The following SUCLG2 variants were observed in gnomAD, a reference collection of about 807,000 sequenced individuals.
SUCLG2 encodes the protein succinate-CoA ligase GDP-forming subunit beta, also known as succinate--CoA ligase [GDP-forming] subunit beta, mitochondrial.
In SUCLG2, 42 loss-of-function variants were observed where a neutral mutation model predicts 47.9. The ratio of observed to expected loss-of-function variants is 0.88; its 90% CI spans 0.69 to 1.14. The LOEUF (loss-of-function observed/expected upper bound fraction) is 1.14. SUCLG2 is among the 50% of genes most tolerant of loss of function. SUCLG2 has a pLI of 0.00. For missense variants in SUCLG2, 571 were observed against 525.9 expected, an observed-to-expected ratio of 1.09 and a Z score of -0.84; for synonymous variants, 195 against 197.3, an observed-to-expected ratio of 0.99 and a Z score of 0.10.
intron 6 of SUCLG2, chr3:67,514,035 G>A (rs957894873): frequency 2.0e-5 from 7 of 352,362 alleles, no homozygotes; most frequent in East Asian, 8.5e-5. Context: ...CCCAGCAGGC[G>A]CAAGCCGAGC....
chr3:67,615,876 T>C (rs1700619316), intron 1 of SUCLG2, among the ~76,000 whole-genome samples: 1 of 151,976 alleles, frequency 6.6e-6, no homozygotes, highest in Non-Finnish European at 1.5e-5. Context: ...GAATTGTACA[T>C]AACAAAAGGA....
chr3:67,643,562 G>C (rs1271247861), intron 1 of SUCLG2, among the ~76,000 whole-genome samples: 1 of 152,178 alleles, frequency 6.6e-6, no homozygotes, highest in Non-Finnish European at 1.5e-5. Context: ...AATGGGTATG[G>C]AAGCAGAGAA....
intron 9 of SUCLG2, among the ~76,000 whole-genome samples, chr3:67,422,766 C>T (rs999117687): frequency 1.3e-5 from 2 of 152,070 alleles, no homozygotes; most frequent in Non-Finnish European, 2.9e-5. Context: ...TAACTGTGGA[C>T]TTTTTATTGT....
chr3:67,647,615 T>A (rs763151315), intron 1 of SUCLG2, among the ~76,000 whole-genome samples: 5 of 152,232 alleles, frequency 3.3e-5, no homozygotes, highest in African/African-American at 9.6e-5. Flanking sequence ...AAATCTTTGA[T>A]GCACGAGGTC....
intron 2 of SUCLG2, among the ~76,000 whole-genome samples, chr3:67,538,909 G>A (rs1706622042): frequency 6.6e-6 from 1 of 152,180 alleles, no homozygotes; most frequent in South Asian, 2.1e-4. Flanking sequence ...CATTGACTTT[G>A]TATCCTGAGA....
chr3:67,551,587 T>C (rs1237163616), intron 2 of SUCLG2, among the ~76,000 whole-genome samples: 1 of 152,030 alleles, frequency 6.6e-6, no homozygotes, highest in African/African-American at 2.4e-5. Flanking sequence ...TCCAGCCCTG[T>C]GGCAGCCTGG....
intron 9 of SUCLG2, among the ~76,000 whole-genome samples, chr3:67,476,249 A>C (rs58738795): frequency 0.07 from 10,677 of 152,010 alleles, 436 homozygotes; most frequent in East Asian, 0.2. Flanking sequence ...GTGGGCAAGC[A>C]AACGAAGCTT....
intron 10 of SUCLG2, among the ~76,000 whole-genome samples, chr3:67,378,426 T>A (rs569342889): frequency 5.8e-4 from 88 of 152,228 alleles, no homozygotes; most frequent in Non-Finnish European, 1.1e-3. Context: ...GAGACTCACC[T>A]GGGCAAGGAA....
chr3:67,580,918 T>C (rs1164499178), intron 2 of SUCLG2, among the ~76,000 whole-genome samples: 1 of 152,186 alleles, frequency 6.6e-6, no homozygotes, highest in East Asian at 1.9e-4. Context: ...CATGCAATCA[T>C]CCTAAATGGG....
At chr3:67,586,321 G>A (rs985278330) in intron 2 of SUCLG2, among the ~76,000 whole-genome samples, 3 of 152,180 alleles carry the variant, frequency 2.0e-5, no homozygotes, top group African/African-American at 7.2e-5. Context: ...TAACCTCAGA[G>A]GGCTGTTGTA....
intron 9 of SUCLG2, among the ~76,000 whole-genome samples, chr3:67,481,694 T>C (rs1045908264): frequency 6.6e-6 from 1 of 152,208 alleles, no homozygotes; most frequent in African/African-American, 2.4e-5. Context: ...TGGGTTTTTA[T>C]TGAGCCTTAA....
chr3:67,507,006 G>A (rs1705655134), intron 7 of SUCLG2, among the ~76,000 whole-genome samples: 1 of 152,106 alleles, frequency 6.6e-6, no homozygotes, highest in Non-Finnish European at 1.5e-5. Flanking sequence ...ACTAGCCCCT[G>A]GGACAGTCAC....
chr3:67,514,056 A>T (rs1288370929), intron 6 of SUCLG2: 2 of 355,588 alleles, frequency 5.6e-6, no homozygotes, highest in East Asian at 1.7e-4. Flanking sequence ...GGTTGGCCAT[A>T]AGAGCACAGC....
intron 2 of SUCLG2, among the ~76,000 whole-genome samples, chr3:67,601,733 G>T (rs1231938611): frequency 2.6e-5 from 4 of 152,154 alleles, no homozygotes; most frequent in Non-Finnish European, 5.9e-5. Context: ...CCAAAGGCCA[G>T]CAATTTGGGA....
chr3:67,501,467 A>C (rs1424016425), intron 7 of SUCLG2, among the ~76,000 whole-genome samples: 1 of 152,140 alleles, frequency 6.6e-6, no homozygotes, highest in Non-Finnish European at 1.5e-5. Context: ...TGATTTCCTA[A>C]GCAATAGGGG....
At chr3:67,641,961 G>A (rs373158586) in intron 1 of SUCLG2, among the ~76,000 whole-genome samples, 3 of 152,158 alleles carry the variant, frequency 2.0e-5, no homozygotes, top group Non-Finnish European at 4.4e-5. Flanking sequence ...CTCCCTGGGC[G>A]TGTGTGCCCG....
At chr3:67,432,188 T>C (rs1203140172) in intron 9 of SUCLG2, among the ~76,000 whole-genome samples, 2 of 152,220 alleles carry the variant, frequency 1.3e-5, no homozygotes, top group Admixed American at 1.3e-4. Flanking sequence ...ACAACCAGCA[T>C]CTTTACTTTT....
chr3:67,544,823 A>G (rs1706820280), intron 2 of SUCLG2, among the ~76,000 whole-genome samples: 1 of 152,236 alleles, frequency 6.6e-6, no homozygotes, highest in Non-Finnish European at 1.5e-5. Flanking sequence ...AAATCATGCC[A>G]GGATCCTGCA....
At chr3:67,407,673 T>C (rs1366757015) in intron 9 of SUCLG2, among the ~76,000 whole-genome samples, 1 of 152,238 alleles carries the variant, frequency 6.6e-6, no homozygotes, top group African/African-American at 2.4e-5. Context: ...TGTCTGTGCC[T>C]ATTCCAATCA....
Sources: allele counts gnomAD v4.1 joint callset (sites outside exome capture counted in the v4.1 genomes callset), GRCh38; gene constraint gnomAD v4.1.1; transcripts MANE v1.5; gene names NCBI Gene and HGNC (gene_info 2026-07-23, HGNC 2026-07-21).